The following WDR7 variants were observed in gnomAD, a reference collection of about 807,000 sequenced individuals.
WDR7 encodes WD repeat-containing protein 7.
A neutral mutation model predicts 169.4 loss-of-function variants in WDR7; 46 were observed. The observed-to-expected ratio is 0.27, with a 90% CI of 0.21 to 0.35. The LOEUF (loss-of-function observed/expected upper bound fraction) is 0.35. Among genes scored for constraint, WDR7 ranks in the 10% least tolerant of loss-of-function variants. WDR7 has a pLI of 1.00. For synonymous variants in WDR7, 612 were observed against 666.8 expected (o/e 0.92, Z 1.27); for missense variants, 1,534 against 1,859.3 (o/e 0.83, Z 3.22).
At chr18:56,718,944 C>T (rs8097805) in intron 13 of WDR7, among the ~76,000 whole-genome samples, 4,962 of 152,210 alleles carry the variant, frequency 0.033, 271 homozygotes, top group African/African-American at 0.11. Flanking sequence ...CACTATTGTG[C>T]GAACGGGAGT....
intron 12 of WDR7, among the ~76,000 whole-genome samples, chr18:56,704,199 A>G (rs2025897343): frequency 6.6e-6 from 1 of 152,076 alleles, no homozygotes; most frequent in African/African-American, 2.4e-5. Flanking sequence ...TGATAATTTT[A>G]TGTTTTCCAA....
At chr18:56,747,099 A>T (rs1343996709) in intron 14 of WDR7, among the ~76,000 whole-genome samples, 1 of 152,212 alleles carries the variant, frequency 6.6e-6, no homozygotes, top group East Asian at 1.9e-4. Flanking sequence ...TGTGGAGTGG[A>T]TTCAGTCTTT....
chr18:56,880,895 C>G (rs2046097092), intron 21 of WDR7, among the ~76,000 whole-genome samples: 2 of 152,142 alleles, frequency 1.3e-5, no homozygotes, highest in African/African-American at 2.4e-5. Context: ...TCAGTAAGGT[C>G]AGAGTGGCAT....
chr18:56,765,675 C>T lies in WDR7; in HGVS notation c.2848+6722C>T, dbSNP rs773432987. On this transcript the variant is annotated intron_variant, in intron 16 of 27. Coordinates refer to ENST00000254442, the MANE Select transcript of WDR7 (RefSeq NM_015285.3). ...ATAAGAAAAAATACATATTTACCCA[C>T]GTAGTTACCTTTTTTGGTATTCTAC... 9.2e-5 allele frequency among the ~76,000 whole-genome samples: 14 copies of T among 152,180 alleles called. No individual in the cohort carries two copies. In the East Asian group the frequency reaches 1.2e-3, roughly 13 times the overall value.
intron 21 of WDR7, among the ~76,000 whole-genome samples, chr18:56,894,101 G>A (rs1323964519): frequency 6.6e-6 from 1 of 151,756 alleles, no homozygotes; most frequent in African/African-American, 2.4e-5. Context: ...ATCTTATTGG[G>A]TCTACTTGAA....
rs144070904 is a variant in WDR7, at chr18:56,756,786, C to T, written c.2193C>T (p.Gly731=). 65 of 1,614,052 alleles carry T rather than the reference C, an allele frequency of 4.0e-5. 1 individual carries two copies. The African/African-American group carries it at 6.7e-4, about 17-fold the overall frequency. ...QKASGSSDKG[G]SFLTGKRAAV... ...CATCTGGCAGTTCAGACAAAGGGGG[C>T]TCTTTTTTAACTGGAAAACGAGCAG... Residue 731 remains glycine (G), a synonymous_variant, in exon 15 of 28, where the codon GGC becomes GGT. Transcript: ENST00000254442.
chr18:56,651,815 A>G lies in WDR7; in HGVS notation c.-20+239A>G, dbSNP rs2024661466. On this transcript the variant is annotated intron_variant, in intron 1 of 27. Coordinates refer to ENST00000254442, the MANE Select transcript of WDR7 (RefSeq NM_015285.3). The stretch of plus-strand genomic sequence containing the variant: ...CCTTGCCTGGTGAGTGATATTTGCT[A>G]CTTGTGACAGTTGCTTTGGTCTTGA... 2.0e-5 allele frequency: 3 copies of G among 152,280 alleles called. No homozygotes were observed. In the South Asian group the frequency reaches 6.2e-4, roughly 32 times the overall value. The allele number at this position is 152,280 out of a possible 1,614,324, so 9.4% of individuals were successfully genotyped here.
chr18:56,785,984 GAA>G (rs927799417), intron 19 of WDR7, among the ~76,000 whole-genome samples: 4 of 152,056 alleles, frequency 2.6e-5, no homozygotes, highest in African/African-American at 9.7e-5. Flanking sequence ...AGGAGAGCAT[GAA>G]AAGAGAAACT....
Position 56,836,835 on chromosome 18 carries a change from A to G in WDR7, c.3304+20691A>G, listed in dbSNP as rs184449182. Among the ~76,000 whole-genome samples, 42 of 152,358 alleles carry G rather than the reference A, an allele frequency of 2.8e-4. No homozygotes were observed. In the East Asian group the frequency reaches 6.2e-3, roughly 22 times the overall value. On this transcript the variant is annotated intron_variant, in intron 20 of 27. Transcript: ENST00000254442. ...TATAACTTCAAATTAAAATAATTTAACAGCATTTTCAGTAATACCTTTTTG... is the reference window on the plus strand; with the variant it reads ...TATAACTTCAAATTAAAATAATTTAGCAGCATTTTCAGTAATACCTTTTTG...
chr18:56,736,067 T>G (rs1211487590), intron 14 of WDR7, among the ~76,000 whole-genome samples: 1 of 152,154 alleles, frequency 6.6e-6, no homozygotes, highest in Non-Finnish European at 1.5e-5. Flanking sequence ...AAATTATGTT[T>G]CTATAACTTG....
At chr18:56,881,598 C>T (rs958709734) in intron 21 of WDR7, among the ~76,000 whole-genome samples, 2 of 152,034 alleles carry the variant, frequency 1.3e-5, no homozygotes, top group Non-Finnish European at 2.9e-5. Flanking sequence ...TGTAACTTTA[C>T]AATTTATTGA....
chr18:57,034,860 T>C, the WDR7 span: 1 of 152,034 alleles, frequency 6.6e-6, no homozygotes, highest in Middle Eastern at 3.4e-3. Context: ...GAGAGCTTCA[T>C]CTCCTACAGC....
chr18:56,708,285 C>T (rs566217240), intron 12 of WDR7, among the ~76,000 whole-genome samples: 8 of 152,142 alleles, frequency 5.3e-5, no homozygotes, highest in African/African-American at 1.7e-4. Flanking sequence ...CTGCCCACAT[C>T]GGCCTCCCAA....
chr18:56,825,337 T>C (rs1180920541), intron 20 of WDR7, among the ~76,000 whole-genome samples: 1 of 152,240 alleles, frequency 6.6e-6, no homozygotes, highest in African/African-American at 2.4e-5. Flanking sequence ...TTTGCAAACT[T>C]ATGTAAAAGA....
At chr18:56,823,054 A>C (rs1339494772) in intron 20 of WDR7, among the ~76,000 whole-genome samples, 2 of 152,234 alleles carry the variant, frequency 1.3e-5, no homozygotes, top group Non-Finnish European at 2.9e-5. Flanking sequence ...AAAGTTTTTG[A>C]CATGAATATT....
intron 26 of WDR7, among the ~76,000 whole-genome samples, chr18:57,001,047 A>AAGAG (rs10536689): frequency 7.7e-4 from 100 of 129,472 alleles, no homozygotes; most frequent in African/African-American, 2.9e-3. Flanking sequence ...ATCTCTACAA[A>AAGAG]AGAGAGAGAG....
chr18:56,776,654 A>C, intron 16 of WDR7, 128 bp from the exon 17 acceptor site: 1 of 737,438 alleles, frequency 1.4e-6, no homozygotes, highest in East Asian at 2.5e-5. Flanking sequence ...TGATGAAAAC[A>C]TCGTTTCAGT....
At chr18:56,912,807 A>G (rs1464743082) in intron 21 of WDR7, among the ~76,000 whole-genome samples, 1 of 152,130 alleles carries the variant, frequency 6.6e-6, no homozygotes, top group East Asian at 1.9e-4. Flanking sequence ...CAGTATCTAC[A>G]TTAATTCTGT....
chr18:56,900,106 ATAT>A, intron 21 of WDR7, among the ~76,000 whole-genome samples: 1 of 147,962 alleles, frequency 6.8e-6, no homozygotes, highest in African/African-American at 2.5e-5. Context: ...ATATATATAT[ATAT>A]AAAATTGTTA....
Sources: gnomAD v4.1 joint callset for allele counts (sites outside exome capture counted in the v4.1 genomes callset) on GRCh38, gnomAD v4.1.1 for gene constraint, MANE v1.5 for transcripts, NCBI Gene and HGNC (gene_info 2026-07-23, HGNC 2026-07-21) for gene names.